CSMD1: variants seen among roughly 807,000 people sequenced by gnomAD.
CSMD1 encodes CUB and Sushi multiple domains 1, also known as CUB and sushi domain-containing protein 1.
Under a neutral mutation model 417.5 loss-of-function variants are expected in CSMD1, and 213 were observed. The observed-to-expected ratio is 0.51, with a 90% confidence interval of 0.46 to 0.57. The LOEUF is 0.57. Ranked by LOEUF, CSMD1 falls within the 20% of genes least tolerant of loss-of-function variation. The probability of loss-of-function intolerance (pLI) is 0.00; values close to 1 mark genes in which losing one functional copy is unlikely to be tolerated. For missense variants in CSMD1, 6,923 were observed against 4,529.7 expected, an observed-to-expected ratio of 1.53 and a Z score of -15.17; for synonymous variants, 2,862 against 1,736.8, an observed-to-expected ratio of 1.65 and a Z score of -16.11.
chr8:4,929,350 G>C (rs1807081395), intron 1 of CSMD1, among the ~76,000 whole-genome samples: 1 of 151,964 alleles, frequency 6.6e-6, no homozygotes, highest in Non-Finnish European at 1.5e-5. Context: ...ATCACAGTTT[G>C]TTATGGCAGC....
At chr8:3,824,803 C>G (rs1016380973) in intron 5 of CSMD1, among the ~76,000 whole-genome samples, 1 of 152,004 alleles carries the variant, frequency 6.6e-6, no homozygotes, top group East Asian at 1.9e-4. Flanking sequence ...AAGGTCTAAA[C>G]TGATGGATGA....
At chr8:4,741,802 C>A (rs893308345) in intron 1 of CSMD1, among the ~76,000 whole-genome samples, 3 of 151,912 alleles carry the variant, frequency 2.0e-5, no homozygotes, top group Non-Finnish European at 4.4e-5. Flanking sequence ...TAAACAGTGC[C>A]CTGGTGATTC....
chr8:3,634,991 T>A (rs912111262), intron 7 of CSMD1, among the ~76,000 whole-genome samples: 4 of 152,164 alleles, frequency 2.6e-5, no homozygotes, highest in African/African-American at 9.7e-5. Context: ...GTAAGAAATT[T>A]GTGTATCTAA....
intron 2 of CSMD1, among the ~76,000 whole-genome samples, chr8:4,568,468 G>A (rs1005891678): frequency 2.6e-5 from 4 of 152,074 alleles, no homozygotes; most frequent in Admixed American, 1.3e-4. Context: ...TTTTATGGCT[G>A]CATAGTATTC....
At chr8:3,432,999 T>C (rs980524140) in intron 12 of CSMD1, among the ~76,000 whole-genome samples, 3 of 152,116 alleles carry the variant, frequency 2.0e-5, no homozygotes, top group African/African-American at 4.8e-5. Flanking sequence ...GCATACAAAA[T>C]TCAGTTTAAG....
At position 4,901,231 on chromosome 8, in the gene CSMD1, G is replaced by A. The variant is rs181606654; in HGVS notation, c.85+93101C>T. On this transcript the variant is annotated intron_variant, in intron 1 of 69. Transcript: ENST00000635120. Reference sequence around the variant, plus strand: ...TTGTAGAAACAACTATATTTCAGACGCTTCCTCAAAAGTTGTCTTTTTAAC... The same window carrying A: ...TTGTAGAAACAACTATATTTCAGACACTTCCTCAAAAGTTGTCTTTTTAAC... Among the ~76,000 whole-genome samples, 8 of 152,206 alleles carry A rather than the reference G, an allele frequency of 5.3e-5. No individual in the cohort carries two copies. In the East Asian group the frequency reaches 9.7e-4, roughly 18 times the overall value.
At chr8:3,911,463 G>A (rs566685167) in intron 5 of CSMD1, among the ~76,000 whole-genome samples, 89 of 151,084 alleles carry the variant, frequency 5.9e-4, no homozygotes, top group African/African-American at 2.1e-3. Flanking sequence ...GCGAGGCGGA[G>A]CCTGCAGTGA....
At chr8:4,070,668 C>T (rs533084769) in intron 3 of CSMD1, among the ~76,000 whole-genome samples, 25 of 152,168 alleles carry the variant, frequency 1.6e-4, no homozygotes, top group Non-Finnish European at 3.1e-4. Context: ...CCACCTATAA[C>T]ACTCTCTATT....
intron 3 of CSMD1, among the ~76,000 whole-genome samples, chr8:4,335,851 G>A (rs770262507): frequency 7.5e-4 from 114 of 152,034 alleles, no homozygotes; most frequent in African/African-American, 2.7e-3. Flanking sequence ...GGGTATCTAA[G>A]CTGGGGAGAA....
rs560365374 is a variant in CSMD1, at chr8:4,404,145, C to T, written c.415+15808G>A. Among the ~76,000 whole-genome samples the T allele has an allele frequency of 4.6e-5, 7 of 152,270 alleles. No homozygotes were observed. The East Asian group carries it at 7.7e-4, about 17-fold the overall frequency. On this transcript the variant is annotated intron_variant, in intron 3 of 69. Transcript: ENST00000635120. ...ACGCGAGTGTTTATCTTTTTCTCAG[C>T]GTAGAGCTTTCCGGAACACTCTATT... is the stretch of plus-strand genomic sequence containing the variant.
intron 3 of CSMD1, among the ~76,000 whole-genome samples, chr8:4,055,015 G>C (rs1002789881): frequency 2.0e-5 from 3 of 152,194 alleles, no homozygotes; most frequent in African/African-American, 7.2e-5. Flanking sequence ...TGTGTGTGAA[G>C]AAGGCGCCTA....
intron 1 of CSMD1, among the ~76,000 whole-genome samples, chr8:4,764,889 A>AAAAAAAAAAAAAC (rs1377665114): frequency 1.8e-4 from 7 of 39,990 alleles, no homozygotes; most frequent in African/African-American, 6.5e-4. Flanking sequence ...AAAAAAAAAA[A>AAAAAAAAAAAAAC]AAAAACAACA....
intron 2 of CSMD1, among the ~76,000 whole-genome samples, chr8:4,508,741 T>G (rs561778599): frequency 1.3e-5 from 2 of 152,080 alleles, no homozygotes; most frequent in African/African-American, 4.8e-5. Flanking sequence ...TGTACTGAAA[T>G]GTAAAGATGT....
intron 1 of CSMD1, among the ~76,000 whole-genome samples, chr8:4,919,835 T>G (rs886283012): frequency 6.6e-6 from 1 of 152,140 alleles, no homozygotes; most frequent in Non-Finnish European, 1.5e-5. Flanking sequence ...CATCCCCTTT[T>G]GCCCTTTCAC....
intron 1 of CSMD1, among the ~76,000 whole-genome samples, chr8:4,931,543 G>A (rs938852244): frequency 6.6e-6 from 1 of 151,296 alleles, no homozygotes; most frequent in Admixed American, 6.6e-5. Flanking sequence ...GACTGCCTTG[G>A]AGGATCACCC....
intron 3 of CSMD1, among the ~76,000 whole-genome samples, chr8:4,179,368 T>G (rs1042173621): frequency 6.6e-6 from 1 of 152,158 alleles, no homozygotes; most frequent in African/African-American, 2.4e-5. Flanking sequence ...GAAAACTGGC[T>G]AGCCATATGT....
At chr8:3,527,054 C>T (rs1156994861) in intron 10 of CSMD1, among the ~76,000 whole-genome samples, 2 of 151,878 alleles carry the variant, frequency 1.3e-5, no homozygotes, top group South Asian at 2.1e-4. Flanking sequence ...GTATGCATGC[C>T]GGGTCAGTGC....
intron 7 of CSMD1, among the ~76,000 whole-genome samples, chr8:3,708,004 G>T (rs138006175): frequency 6.6e-6 from 1 of 152,178 alleles, no homozygotes; most frequent in Non-Finnish European, 1.5e-5. Flanking sequence ...TTACTCTCCA[G>T]GCAGTGAATG....
chr8:3,374,241 G>C (rs1810165955), intron 18 of CSMD1, among the ~76,000 whole-genome samples: 1 of 152,204 alleles, frequency 6.6e-6, no homozygotes, highest in Non-Finnish European at 1.5e-5. Context: ...TTACAGGCGT[G>C]AGCCACCATG....
Sources: gnomAD v4.1 joint callset for allele counts (sites outside exome capture counted in the v4.1 genomes callset) on GRCh38, gnomAD v4.1.1 for gene constraint, MANE v1.5 for transcripts, NCBI Gene and HGNC (gene_info 2026-07-23, HGNC 2026-07-21) for gene names.